The following INSR variants were observed in gnomAD, a reference collection of about 807,000 sequenced individuals.
INSR encodes insulin receptor.
In INSR, 67 loss-of-function variants were observed where a neutral mutation model predicts 142.6. The observed-to-expected ratio is 0.47, with a 90% CI of 0.39 to 0.58. The LOEUF (loss-of-function observed/expected upper bound fraction) is 0.58, where lower values mean the gene tolerates loss of function less well. INSR is among the 20% of genes least tolerant of loss of function. The pLI is 0.00. For synonymous variants in INSR, 756 were observed against 743.1 expected, an observed-to-expected ratio of 1.02 and a Z score of -0.28; for missense variants, 1,248 against 1,833.2, an observed-to-expected ratio of 0.68 and a Z score of 5.83.
At chr19:7,191,872 A>G (rs1203677642) in intron 2 of INSR, among the ~76,000 whole-genome samples, 1 of 133,544 alleles carries the variant, frequency 7.5e-6, no homozygotes, top group Non-Finnish European at 1.6e-5. Flanking sequence ...TGAAAGAAGG[A>G]GGGAAGGAAG....
rs565026247 is a variant in INSR at position 7,281,258 on chromosome 19, T to C, written c.100+12534A>G. Among the ~76,000 whole-genome samples, 39 of 152,150 alleles carry C rather than the reference T, an allele frequency of 2.6e-4. No individual in the cohort carries two copies. In the East Asian group the frequency reaches 4.3e-3, roughly 17 times the overall value. ...AACTGGGTATAATTAGGAGGGAACATATGAGGTCCTCCCTTTTCTGATCTT... is the reference window on the plus strand; with the variant it reads ...AACTGGGTATAATTAGGAGGGAACACATGAGGTCCTCCCTTTTCTGATCTT... On this transcript the variant is annotated intron_variant, in intron 1 of 21. Transcript: ENST00000302850.
At chr19:7,152,990 CACA>C in intron 9 of INSR, 63 bp from the exon 10 acceptor site, 10 of 876,632 alleles carry the variant, frequency 1.1e-5, no homozygotes, top group Non-Finnish European at 1.6e-5. Context: ...TACACACACA[CACA>C]CACCCCACAC....
intron 3 of INSR, among the ~76,000 whole-genome samples, chr19:7,181,244 C>T (rs924373103): frequency 1.3e-5 from 2 of 152,098 alleles, no homozygotes; most frequent in African/African-American, 4.8e-5. Flanking sequence ...CCGCGCCTGG[C>T]CCAGGTGGCC....
chr19:7,166,071 T>C lies in INSR; in HGVS notation c.1861+83A>G, dbSNP rs905627218. On this transcript the variant is annotated intron_variant, in intron 8 of 21. Coordinates refer to ENST00000302850, the MANE Select transcript of INSR (RefSeq NM_000208.4). The surrounding 1 kb of genome is among the most constrained non-coding windows in gnomAD (Gnocchi z 4.1). ...AAGCCAATAACCATATCAAGGAGCATTTTATACAACCTCACTGCATCAGCC... is the reference window on the plus strand; with the variant it reads ...AAGCCAATAACCATATCAAGGAGCACTTTATACAACCTCACTGCATCAGCC... The C allele has an allele frequency of 3.3e-6, 5 of 1,536,558 alleles. No homozygotes were observed. Among genetic ancestry groups the C allele is most frequent in the East Asian group, 2.3e-5 (1 of 44,358 alleles).
chr19:7,282,086 G>A (rs1480180661), intron 1 of INSR, among the ~76,000 whole-genome samples: 3 of 152,096 alleles, frequency 2.0e-5, no homozygotes, highest in South Asian at 2.1e-4. Context: ...GCGAGCCGGC[G>A]GGGCACGGTG....
chr19:7,267,027 C>T lies in INSR; in HGVS notation c.652+318G>A, dbSNP rs1967754699. Among the ~76,000 whole-genome samples, 1 of 152,046 alleles carries T rather than the reference C, an allele frequency of 6.6e-6. No individual in the cohort carries two copies. Among genetic ancestry groups the T allele is most frequent in the African/African-American group, 2.4e-5 (1 of 41,380 alleles). On this transcript the variant is annotated intron_variant, in intron 2 of 21. Coordinates refer to ENST00000302850, the MANE Select transcript of INSR (RefSeq NM_000208.4). The surrounding 1 kb of genome is among the most constrained non-coding windows in gnomAD (Gnocchi z 6.3). ...TGCTGCCCTCGAGCAAAATCCGGCC[C>T]ACGACTTGTTTTTGTAAATAAAGTT...
intron 1 of INSR, among the ~76,000 whole-genome samples, chr19:7,292,046 G>A (rs10417142): frequency 0.03 from 4,571 of 151,258 alleles, 246 homozygotes; most frequent in African/African-American, 0.11. Flanking sequence ...ACCCGCCTCG[G>A]CCTCCCAAAG....
In INSR at chr19:7,235,456, G is replaced by A. The variant is rs548235441; in HGVS notation, c.652+31889C>T. Among the ~76,000 whole-genome samples the A allele has an allele frequency of 8.5e-5, 13 of 152,244 alleles. No homozygotes were observed. The South Asian group carries it at 2.3e-3, about 27-fold the overall frequency. On this transcript the variant is annotated intron_variant, in intron 2 of 21. Transcript: ENST00000302850. ...TTCTGCAAATATCCATGTGTCTGGC[G>A]CTAGAGCTTACGGAAGATTTTCAAA...
chr19:7,201,434 G>A (rs1033878911), intron 2 of INSR, among the ~76,000 whole-genome samples: 12 of 151,890 alleles, frequency 7.9e-5, no homozygotes, highest in African/African-American at 2.9e-4. Context: ...AGACCAGCCT[G>A]GCCAACAGGG....
At chr19:7,198,220 C>T (rs1486178187) in intron 2 of INSR, among the ~76,000 whole-genome samples, 5 of 151,364 alleles carry the variant, frequency 3.3e-5, no homozygotes, top group African/African-American at 7.3e-5. Context: ...GCGCCGCCCT[C>T]GCGCTCAGCC....
At chr19:7,261,176 C>T (rs559543487) in intron 2 of INSR, among the ~76,000 whole-genome samples, 88 of 152,238 alleles carry the variant, frequency 5.8e-4, no homozygotes, top group African/African-American at 2.0e-3. Context: ...GCATGAGCCA[C>T]CGCGTCCAGC....
chr19:7,221,398 G>GGAGGAGGAGGAA (rs1259005262), intron 2 of INSR, among the ~76,000 whole-genome samples: 1 of 147,126 alleles, frequency 6.8e-6, no homozygotes, highest in African/African-American at 2.5e-5. Flanking sequence ...AGGAGGAGGA[G>GGAGGAGGAGGAA]GAGGAGGAAA....
At position 7,150,723 on chromosome 19, in the gene INSR, G is replaced by C. The variant is rs763701273; in HGVS notation, c.2232-191C>G. 1.6e-4 allele frequency among the ~76,000 whole-genome samples: 25 copies of C among 152,188 alleles called. No homozygotes were observed. The highest frequency in any genetic ancestry group is 6.2e-4 in the South Asian group (3 of 4,832). On this transcript the variant is annotated intron_variant, in intron 10 of 21. Coordinates refer to ENST00000302850, the MANE Select transcript of INSR (RefSeq NM_000208.4). This position sits in a 1 kb window ranked among gnomAD's most constrained non-coding sequence, Gnocchi z 4.2. ...CAGCAGGTGCAGGGGTCCAGCAAGG[G>C]AAGGGGAAGAAATCAGAGAAAATTC... is the stretch of plus-strand genomic sequence containing the variant.
In INSR at chr19:7,190,369, G is replaced by GTTTT. The variant is rs34757652; in HGVS notation, c.653-5736_653-5733dup. ...ACATGCTGACCTGTGTTCTTTGGTG[G>GTTTT]TTTTTTTTTTTTTTTTTTTTTGAGA... is the stretch of plus-strand genomic sequence containing the variant. On this transcript the variant is annotated intron_variant, in intron 2 of 21. Coordinates refer to ENST00000302850, the MANE Select transcript of INSR (RefSeq NM_000208.4). Among the ~76,000 whole-genome samples, 13 of 102,700 alleles carry GTTTT rather than the reference G, an allele frequency of 1.3e-4. No homozygotes were observed. In the East Asian group the frequency reaches 1.7e-3, roughly 13 times the overall value. 67.4% of individuals were successfully genotyped at this position (102,700 alleles called of 152,430 possible).
At chr19:7,149,831 AG>A (rs1307029137) in intron 11 of INSR, among the ~76,000 whole-genome samples, 13 of 151,408 alleles carry the variant, frequency 8.6e-5, no homozygotes, top group African/African-American at 2.4e-4. Context: ...CAAAAAAAAA[AG>A]AAGAAGGAAA....
rs1218334759 is a variant in INSR, at chr19:7,152,866, G to C, written c.2091C>G (p.His697Gln). Residue 697 changes from histidine (H) to glutamine (Q), a missense_variant, in exon 10 of 22, where the codon CAC becomes CAG. Around this residue, in one of 3 missense-constraint regions of INSR, gnomAD observed 1,069 missense variants for 1,654.0 expected, o/e 0.65. Transcript: ENST00000302850. Reference protein sequence around the residue: ...PPFESEDSQKHNQSEYEDSAG... With the variant: ...PPFESEDSQKQNQSEYEDSAG... The stretch of plus-strand genomic sequence containing the variant: ...CCGAATCCTCATACTCACTCTGGTT[G>C]TGCTTCTGAGAATCTTCAGACTCGA... 6.2e-7 allele frequency: 1 copy of C among 1,613,228 alleles called. No homozygotes were observed. Among genetic ancestry groups the C allele is most frequent in the South Asian group, 1.1e-5 (1 of 91,056 alleles).
At chr19:7,291,941 C>T (rs941473353) in intron 1 of INSR, among the ~76,000 whole-genome samples, 2 of 152,108 alleles carry the variant, frequency 1.3e-5, no homozygotes, top group East Asian at 1.9e-4. Flanking sequence ...TACAGGCGCC[C>T]GCCACCACGC....
chr19:7,233,714 T>C (rs993606195), intron 2 of INSR, among the ~76,000 whole-genome samples: 12 of 136,684 alleles, frequency 8.8e-5, no homozygotes, highest in African/African-American at 3.1e-4. Flanking sequence ...CTCGCTGTGT[T>C]GCCCAGGCTG....
chr19:7,162,685 T>A (rs1161164953), intron 9 of INSR, among the ~76,000 whole-genome samples: 2 of 151,184 alleles, frequency 1.3e-5, no homozygotes, highest in Non-Finnish European at 2.9e-5. Flanking sequence ...CCGGGCGTGG[T>A]GGCGCGTGCC....
Sources: gnomAD v4.1 joint callset for allele counts (sites outside exome capture counted in the v4.1 genomes callset) on GRCh38, gnomAD v4.1.1 for gene constraint, gnomAD v4.1.1 regional missense constraint, Gnocchi (gnomAD v3.1) non-coding constraint, MANE v1.5 for transcripts, NCBI Gene and HGNC (gene_info 2026-07-23, HGNC 2026-07-21) for gene names.